Variants in DLG2 observed in about 807,000 individuals in gnomAD.
The protein encoded by DLG2 is discs large MAGUK scaffold protein 2, also known as disks large homolog 2.
DLG2 carries 45 observed loss-of-function variants against 132.5 expected under a neutral mutation model. That is an observed-to-expected ratio of 0.34 (90% CI 0.27 to 0.44). DLG2 has a LOEUF of 0.44. Ranked by LOEUF, DLG2 falls within the 20% of genes least tolerant of loss-of-function variation. The pLI is 1.00. For synonymous variants in DLG2, 424 were observed against 419.6 expected, an observed-to-expected ratio of 1.01 and a Z score of -0.13; for missense variants, 1,045 against 1,196.9, an observed-to-expected ratio of 0.87 and a Z score of 1.87.
chr11:85,107,508 C>A (rs1033297213), intron 6 of DLG2, among the ~76,000 whole-genome samples: 1 of 151,994 alleles, frequency 6.6e-6, no homozygotes, highest in African/African-American at 2.4e-5. Context: ...TACAGTTGGT[C>A]ATATCCAAAG....
chr11:84,955,472 A>T (rs2051527506), intron 6 of DLG2: 1 of 152,136 alleles, frequency 6.6e-6, no homozygotes, highest in African/African-American at 2.4e-5. Context: ...CCTCACAATA[A>T]ATTAGAATAA....
intron 7 of DLG2, among the ~76,000 whole-genome samples, chr11:84,360,807 T>C (rs977789818): frequency 6.6e-6 from 1 of 151,642 alleles, no homozygotes; most frequent in African/African-American, 2.4e-5. Context: ...AATAGAGAAA[T>C]GACAGAGATA....
intron 3 of DLG2, among the ~76,000 whole-genome samples, chr11:85,409,044 T>A (rs1597060319): frequency 6.6e-6 from 1 of 151,944 alleles, no homozygotes; most frequent in Non-Finnish European, 1.5e-5. Context: ...CAAAGAAAAT[T>A]GAGTCATTGA....
chr11:84,090,334 A>C (rs1000538305), intron 10 of DLG2, among the ~76,000 whole-genome samples: 2 of 150,330 alleles, frequency 1.3e-5, no homozygotes, highest in Non-Finnish European at 3.0e-5. Flanking sequence ...GAATCGCTTG[A>C]ACCCAGGAGG....
intron 15 of DLG2, among the ~76,000 whole-genome samples, chr11:83,923,453 G>A (rs1367256637): frequency 6.6e-6 from 1 of 152,010 alleles, no homozygotes. Flanking sequence ...TAGACAGTTC[G>A]GGCACAATCC....
chr11:85,045,877 C>T (rs1333576794), intron 6 of DLG2, among the ~76,000 whole-genome samples: 1 of 151,994 alleles, frequency 6.6e-6, no homozygotes, highest in Admixed American at 6.6e-5. Context: ...TTATTCTCTA[C>T]AGGATTTTAA....
At chr11:83,889,318 A>G (rs1405565929) in intron 15 of DLG2, among the ~76,000 whole-genome samples, 1 of 152,094 alleles carries the variant, frequency 6.6e-6, no homozygotes, top group Non-Finnish European at 1.5e-5. Context: ...ACACTTCTCA[A>G]AAGAAGACAT....
intron 18 of DLG2, among the ~76,000 whole-genome samples, chr11:83,714,927 T>A (rs1475600981): frequency 6.6e-6 from 1 of 152,178 alleles, no homozygotes; most frequent in East Asian, 1.9e-4. Flanking sequence ...ACCCAAAGGA[T>A]TATAAATCAT....
intron 3 of DLG2, among the ~76,000 whole-genome samples, chr11:85,491,286 TG>T: frequency 6.6e-6 from 1 of 152,110 alleles, no homozygotes; most frequent in African/African-American, 2.4e-5. Context: ...GCAAAGGCCA[TG>T]TGTGACAAAC....
At chr11:84,941,283 T>C (rs2049384469) in intron 6 of DLG2, among the ~76,000 whole-genome samples, 1 of 152,214 alleles carries the variant, frequency 6.6e-6, no homozygotes, top group Non-Finnish European at 1.5e-5. Context: ...GGTATTTTGA[T>C]AGGGATTTCA....
At chr11:85,462,856 C>A (rs1478350469) in intron 3 of DLG2, among the ~76,000 whole-genome samples, 1 of 151,384 alleles carries the variant, frequency 6.6e-6, no homozygotes, top group African/African-American at 2.4e-5. Flanking sequence ...GGAGATAAAA[C>A]CTCTAAGGAA....
At chr11:85,214,293 G>A (rs2082437598) in intron 4 of DLG2, among the ~76,000 whole-genome samples, 1 of 152,074 alleles carries the variant, frequency 6.6e-6, no homozygotes, top group Non-Finnish European at 1.5e-5. Context: ...TTCCTCCAGT[G>A]TCAGCCACTC....
rs5793066 is a variant in DLG2 at position 83,511,726 on chromosome 11, C to CT, written c.2193+20981dup. 8.0e-3 allele frequency among the ~76,000 whole-genome samples: 1,115 copies of CT among 139,252 alleles called. 10 individuals carry two copies. Among genetic ancestry groups the CT allele is most frequent in the East Asian group, 0.063 (295 of 4,688 alleles). The allele number at this position is 139,252 out of a possible 152,430, so 91.4% of individuals were successfully genotyped here. On this transcript the variant is annotated intron_variant, in intron 21 of 27. Transcript: ENST00000376104. ...GAAGAGGGAATGTAAAAGAAGCAAA[C>CT]TTTTTTTTTTTTTTTTTTAAAGAGC...
chr11:84,779,085 C>G (rs982725046), intron 6 of DLG2, among the ~76,000 whole-genome samples: 7 of 152,118 alleles, frequency 4.6e-5, no homozygotes, highest in African/African-American at 1.7e-4. Flanking sequence ...TGAGCCACTA[C>G]TGGCTTCCTT....
intron 18 of DLG2, chr11:83,647,366 T>G (rs563742330): frequency 6.6e-6 from 1 of 152,324 alleles, no homozygotes; most frequent in African/African-American, 2.4e-5. Context: ...CGTCCATGTC[T>G]GATGCCTCAG....
At chr11:84,345,694 A>G (rs189514275) in intron 7 of DLG2, among the ~76,000 whole-genome samples, 6 of 152,174 alleles carry the variant, frequency 3.9e-5, no homozygotes, top group African/African-American at 1.4e-4. Flanking sequence ...TTGTAATGAC[A>G]GAGTTGGATT....
intron 8 of DLG2, among the ~76,000 whole-genome samples, chr11:84,223,176 C>T (rs535925685): frequency 1.3e-5 from 2 of 152,230 alleles, no homozygotes; most frequent in Middle Eastern, 3.4e-3. Context: ...GTCATGCTTC[C>T]TTGTGTAGGG....
intron 7 of DLG2, among the ~76,000 whole-genome samples, chr11:84,478,337 T>C (rs2099127369): frequency 1.3e-5 from 2 of 152,154 alleles, no homozygotes; most frequent in Non-Finnish European, 2.9e-5. Flanking sequence ...TGCTCAAATA[T>C]AGTTTTAAAA....
At chr11:84,944,476 C>T (rs974253507) in intron 6 of DLG2, among the ~76,000 whole-genome samples, 2 of 152,050 alleles carry the variant, frequency 1.3e-5, no homozygotes, top group Middle Eastern at 3.4e-3. Flanking sequence ...TCTTCAAGCT[C>T]ACTAATTTTT....
Sources: gnomAD v4.1 joint callset for allele counts (sites outside exome capture counted in the v4.1 genomes callset) on GRCh38, gnomAD v4.1.1 for gene constraint, MANE v1.5 for transcripts, NCBI Gene and HGNC (gene_info 2026-07-23, HGNC 2026-07-21) for gene names.